Variants in RP1 observed in about 807,000 individuals in gnomAD.
RP1 encodes RP1 axonemal microtubule associated.
Under a neutral mutation model 14.8 loss-of-function variants are expected in RP1, and 16 were observed. The ratio of observed to expected loss-of-function variants is 1.08; its 90% CI spans 0.73 to 1.65. The LOEUF is 1.65. RP1 is among the 40% of genes most tolerant of loss of function. The pLI, the probability that RP1 is intolerant of heterozygous loss-of-function variation, is 0.00. For synonymous variants in RP1, 876 were observed against 883.6 expected (o/e 0.99, Z 0.15); for missense variants, 2,631 against 2,535.0 (o/e 1.04, Z -0.81).
At chr8:54,779,634 G>C (rs1238430402) in intron 23 of RP1, among the ~76,000 whole-genome samples, 1 of 152,188 alleles carries the variant, frequency 6.6e-6, no homozygotes, top group African/African-American at 2.4e-5. Context: ...TTCACTAGCT[G>C]TAGCAACTTT....
At chr8:54,667,507 C>A (rs550771641) in intron 7 of RP1, among the ~76,000 whole-genome samples, 2 of 152,222 alleles carry the variant, frequency 1.3e-5, no homozygotes, top group South Asian at 2.1e-4. Flanking sequence ...AGATTGTGGG[C>A]TCCAGATGAA....
At chr8:54,589,735 T>A (rs570617061) in intron 1 of RP1, among the ~76,000 whole-genome samples, 2 of 152,200 alleles carry the variant, frequency 1.3e-5, no homozygotes, top group Non-Finnish European at 2.9e-5. Context: ...TTTTCTTCAA[T>A]TTTCCCCACC....
intron 28 of RP1, among the ~76,000 whole-genome samples, chr8:54,868,060 T>A (rs1460980066): frequency 6.6e-6 from 1 of 152,186 alleles, no homozygotes; most frequent in East Asian, 1.9e-4. Flanking sequence ...TGAAATAATG[T>A]AAGTAGTAAA....
At chr8:54,812,289 C>T (rs1811017556) in intron 24 of RP1, among the ~76,000 whole-genome samples, 3 of 152,292 alleles carry the variant, frequency 2.0e-5, no homozygotes, top group Admixed American at 6.5e-5. Flanking sequence ...TACAGGCATA[C>T]GCCATCATGC....
At chr8:54,869,395 A>G (rs1194215363) in intron 28 of RP1, among the ~76,000 whole-genome samples, 2 of 152,206 alleles carry the variant, frequency 1.3e-5, no homozygotes, top group Non-Finnish European at 2.9e-5. Flanking sequence ...AATTCAAAAT[A>G]TTAATTTTAC....
chr8:54,664,066 C>G lies in RP1; in HGVS notation c.1323+216C>G, dbSNP rs965298765. ...CTCCCCATTTCTCCTTCCCTTCAGT[C>G]CCTAGTAACCACCATTCTACTTTCT... is the stretch of plus-strand genomic sequence containing the variant. On this transcript the variant is annotated intron_variant, in intron 7 of 22. Transcript: ENST00000636932. 3.9e-5 allele frequency among the ~76,000 whole-genome samples: 6 copies of G among 152,260 alleles called. No homozygotes were observed. The East Asian group carries it at 9.6e-4, about 24-fold the overall frequency.
chr8:54,561,347 G>C (rs183266389), intron 1 of RP1, among the ~76,000 whole-genome samples: 2 of 152,276 alleles, frequency 1.3e-5, no homozygotes, highest in East Asian at 3.9e-4. Context: ...CAGATTCCGA[G>C]TAAACAAAGT....
chr8:54,631,681 T>C (rs1806248725), downstream of RP1, among the ~76,000 whole-genome samples: 1 of 152,060 alleles, frequency 6.6e-6, no homozygotes, highest in African/African-American at 2.4e-5. Context: ...CTTTTTTTTT[T>C]TTAAAGCTGA....
chr8:54,604,463 C>A (rs1289606079), intron 1 of RP1, among the ~76,000 whole-genome samples: 1 of 152,166 alleles, frequency 6.6e-6, no homozygotes, highest in African/African-American at 2.4e-5. Context: ...AGGATTTTTG[C>A]ATCGATGTTC....
intron 24 of RP1, among the ~76,000 whole-genome samples, chr8:54,813,275 C>T (rs187605514): frequency 6.6e-6 from 1 of 152,348 alleles, no homozygotes; most frequent in East Asian, 1.9e-4. Context: ...AGTTAGCATG[C>T]TAGGGAAAGA....
chr8:54,725,634 T>G (rs996079166), intron 16 of RP1, among the ~76,000 whole-genome samples: 12 of 152,206 alleles, frequency 7.9e-5, no homozygotes, highest in African/African-American at 2.9e-4. Context: ...ACTCTTTATC[T>G]TATAGAATCA....
intron 12 of RP1, among the ~76,000 whole-genome samples, chr8:54,687,524 T>C (rs954183337): frequency 7.2e-5 from 11 of 152,120 alleles, no homozygotes; most frequent in African/African-American, 2.7e-4. Context: ...TGTGTTCTCA[T>C]TGTTCGACTC....
intron 18 of RP1, among the ~76,000 whole-genome samples, chr8:54,735,218 T>A (rs1808889733): frequency 6.6e-6 from 1 of 152,208 alleles, no homozygotes; most frequent in South Asian, 2.1e-4. Flanking sequence ...TTCCTTGGCA[T>A]CTTCACAGGC....
chr8:54,635,640 G>T (rs1268538135), downstream of RP1, among the ~76,000 whole-genome samples: 1 of 152,070 alleles, frequency 6.6e-6, no homozygotes, highest in South Asian at 2.1e-4. Context: ...GTCCTACTTT[G>T]TCACCTTTGG....
intron 7 of RP1, among the ~76,000 whole-genome samples, chr8:54,671,180 T>C (rs188401384): frequency 8.5e-4 from 129 of 152,236 alleles, no homozygotes; most frequent in Non-Finnish European, 1.4e-3. Context: ...TTAGCCTGCA[T>C]GGTTTCTACA....
chr8:54,628,355 A>C lies in RP1; in HGVS notation c.4473A>C (p.Glu1491Asp), dbSNP rs149597597. Residue 1491 changes from glutamate (E) to aspartate (D), a missense_variant, in exon 4 of 4, where the codon GAA (glutamate) becomes GAC (aspartate). Transcript: ENST00000220676. ...TAAATGGAGGAGAGCAAGCCACTGA[A>C]GAATTAATCCAAGAAGAGGTAGAGG... is the stretch of plus-strand genomic sequence containing the variant. ...TVVNGGEQAT[E>D]ELIQEEVEAS... The C allele has an allele frequency of 2.7e-5, 44 of 1,613,834 alleles. No individual in the cohort carries two copies. The African/African-American group carries it at 5.7e-4, about 21-fold the overall frequency.
At chr8:54,773,568 C>T (rs552140658), downstream of RP1, among the ~76,000 whole-genome samples, 34 of 152,156 alleles carry the variant, frequency 2.2e-4, no homozygotes, top group African/African-American at 6.7e-4. Flanking sequence ...ACCCAGGTGG[C>T]GGAGGTTGCA....
intron 23 of RP1, among the ~76,000 whole-genome samples, chr8:54,778,838 T>G (rs1054705187): frequency 1.3e-5 from 2 of 152,050 alleles, no homozygotes; most frequent in Non-Finnish European, 2.9e-5. Flanking sequence ...GAGGTGGGTG[T>G]TATGGGCAGT....
At chr8:54,740,525 C>T (rs1178716621) in intron 19 of RP1, among the ~76,000 whole-genome samples, 1 of 150,710 alleles carries the variant, frequency 6.6e-6, no homozygotes, top group Non-Finnish European at 1.5e-5. Context: ...AGTTCAAGAC[C>T]AGCCTGACCA....
Sources: gnomAD v4.1 joint callset for allele counts (sites outside exome capture counted in the v4.1 genomes callset) on GRCh38, gnomAD v4.1.1 for gene constraint, MANE v1.5 for transcripts, NCBI Gene and HGNC (gene_info 2026-07-23, HGNC 2026-07-21) for gene names.